The following ATRNL1 variants were observed in gnomAD, a reference collection of about 807,000 sequenced individuals.
ATRNL1 encodes the protein attractin like 1.
ATRNL1 carries 95 observed loss-of-function variants against 182.7 expected under a neutral mutation model. The ratio of observed to expected loss-of-function variants is 0.52; its 90% CI spans 0.44 to 0.62. The LOEUF is 0.62. Among genes scored for constraint, ATRNL1 ranks in the 20% least tolerant of loss-of-function variants. The probability of loss-of-function intolerance (pLI) is 0.00; values close to 1 mark genes in which losing one functional copy is unlikely to be tolerated. For synonymous variants in ATRNL1, 576 were observed against 568.3 expected, an observed-to-expected ratio of 1.01 and a Z score of -0.19; for missense variants, 1,471 against 1,679.5, an observed-to-expected ratio of 0.88 and a Z score of 2.17.
chr10:115,560,631 A>T (rs1421832203), intron 26 of ATRNL1, among the ~76,000 whole-genome samples: 1 of 152,222 alleles, frequency 6.6e-6, no homozygotes, highest in Non-Finnish European at 1.5e-5. Flanking sequence ...TTATCCAAAT[A>T]CTAGGTAGTT....
intron 17 of ATRNL1, among the ~76,000 whole-genome samples, chr10:115,313,646 A>C (rs1369174852): frequency 1.3e-5 from 2 of 152,180 alleles, no homozygotes; most frequent in African/African-American, 4.8e-5. Flanking sequence ...GTCCACAGGT[A>C]AAATCTGGCT....
chr10:115,178,909 A>G (rs1201699628), intron 8 of ATRNL1, among the ~76,000 whole-genome samples: 3 of 145,808 alleles, frequency 2.1e-5, no homozygotes, highest in African/African-American at 7.4e-5. Flanking sequence ...GCTGTTTTTT[A>G]TAGGTACTCT....
At chr10:115,672,290 T>G (rs1555041645) in intron 26 of ATRNL1, among the ~76,000 whole-genome samples, 1 of 152,068 alleles carries the variant, frequency 6.6e-6, no homozygotes, top group Non-Finnish European at 1.5e-5. Context: ...TGCCCTAGAT[T>G]AAACAGCCTA....
chr10:115,665,130 T>G (rs187666455), intron 26 of ATRNL1, among the ~76,000 whole-genome samples: 1 of 152,130 alleles, frequency 6.6e-6, no homozygotes, highest in African/African-American at 2.4e-5. Context: ...GCAATATGTT[T>G]GTTGTTGTGG....
chr10:115,213,137 T>A (rs1849095892), intron 8 of ATRNL1, among the ~76,000 whole-genome samples: 1 of 152,168 alleles, frequency 6.6e-6, no homozygotes, highest in Non-Finnish European at 1.5e-5. Context: ...ATTCAAGTCG[T>A]GATTTTTCTT....
chr10:115,792,976 A>G (rs940322329), intron 27 of ATRNL1, among the ~76,000 whole-genome samples: 2 of 152,062 alleles, frequency 1.3e-5, no homozygotes, highest in Admixed American at 1.3e-4. Context: ...AGATATTTAG[A>G]ATAAGTAGTA....
Position 115,863,356 on chromosome 10 carries a change from C to T in ATRNL1, c.4018+15365C>T, listed in dbSNP as rs74982624. 5.0e-3 allele frequency among the ~76,000 whole-genome samples: 760 copies of T among 152,204 alleles called. 3 individuals are homozygous for T. The highest frequency in any genetic ancestry group is 0.017 in the African/African-American group (703 of 41,526). On this transcript the variant is annotated intron_variant, in intron 28 of 28. Coordinates refer to ENST00000355044, the MANE Select transcript of ATRNL1 (RefSeq NM_207303.4). The stretch of plus-strand genomic sequence containing the variant: ...TGATTATTTTGACTATATACTGTAA[C>T]ACCAAAAGCAACCAAAAATATATAT...
chr10:115,342,161 T>A (rs941483935), intron 19 of ATRNL1, among the ~76,000 whole-genome samples: 3 of 152,040 alleles, frequency 2.0e-5, no homozygotes, highest in Non-Finnish European at 4.4e-5. Flanking sequence ...TGTATCTTGT[T>A]TTTTTGTTTT....
chr10:115,412,837 C>A (rs546642640), intron 20 of ATRNL1, among the ~76,000 whole-genome samples: 69 of 152,190 alleles, frequency 4.5e-4, no homozygotes, highest in Non-Finnish European at 6.6e-4. Context: ...CATTTTATAT[C>A]TGCAAAATTG....
chr10:115,857,218 A>G (rs1589611667), intron 28 of ATRNL1, among the ~76,000 whole-genome samples: 4 of 152,298 alleles, frequency 2.6e-5, no homozygotes, highest in Non-Finnish European at 4.4e-5. Flanking sequence ...AACTGTTTAG[A>G]TTATTGGCAA....
rs1554924645 is a variant in ATRNL1 at position 115,301,935 on chromosome 10, A to T, written c.2710A>T (p.Met904Leu). ...TSCSNCTSNG[M>L]ECMWCSSTKR... ...ATGTTCCAACTGTACAAGCAATGGC[A>T]TGGAGTGTATGTGGTGCAGCAGTAC... The change falls in exon 17 of 29, where the codon ATG becomes TTG. Residue 904 changes from methionine to leucine, a missense_variant. Met to Leu is a conservative substitution (Grantham distance 15). This residue lies in a region of ATRNL1 where 1,031 missense variants were observed against 1,156.0 expected (regional missense o/e 0.89). Coordinates refer to ENST00000355044, the MANE Select transcript of ATRNL1 (RefSeq NM_207303.4). 1 of 1,614,108 alleles carries T rather than the reference A, an allele frequency of 6.2e-7. No homozygotes were observed. Among genetic ancestry groups the T allele is most frequent in the African/African-American group, 1.3e-5 (1 of 75,064 alleles).
intron 28 of ATRNL1, among the ~76,000 whole-genome samples, chr10:115,930,733 A>G (rs1953370616): frequency 6.6e-6 from 1 of 152,126 alleles, no homozygotes; most frequent in South Asian, 2.1e-4. Flanking sequence ...TGGATGGTAA[A>G]CATCTGGGCA....
intron 26 of ATRNL1, among the ~76,000 whole-genome samples, chr10:115,636,762 A>G (rs782094191): frequency 7.2e-5 from 11 of 152,244 alleles, no homozygotes; most frequent in Non-Finnish European, 1.6e-4. Context: ...ATGAATGTAC[A>G]TAGCAATATT....
chr10:115,386,788 A>C (rs1858378964), intron 19 of ATRNL1, among the ~76,000 whole-genome samples: 2 of 146,550 alleles, frequency 1.4e-5, no homozygotes, highest in South Asian at 2.3e-4. Flanking sequence ...AGCATTAGGT[A>C]TATCTCCTAA....
intron 8 of ATRNL1, among the ~76,000 whole-genome samples, chr10:115,180,435 A>T (rs1554887666): frequency 1.3e-5 from 2 of 151,728 alleles, no homozygotes; most frequent in Non-Finnish European, 2.9e-5. Flanking sequence ...TCTGTATTTT[A>T]TTTGTTGTAT....
intron 26 of ATRNL1, among the ~76,000 whole-genome samples, chr10:115,634,930 G>A (rs1222060326): frequency 1.3e-5 from 2 of 151,690 alleles, no homozygotes; most frequent in African/African-American, 4.8e-5. Flanking sequence ...AGGGCCTTAG[G>A]GCCTAGAGAG....
chr10:115,944,285 TAAAAA>T (rs10588486), intron 28 of ATRNL1, among the ~76,000 whole-genome samples: 1 of 131,728 alleles, frequency 7.6e-6, no homozygotes, highest in Admixed American at 7.6e-5. Context: ...GTTTTGTTCC[TAAAAA>T]AAAAAAAAAA....
At chr10:115,232,041 G>T (rs1481136045) in intron 9 of ATRNL1, among the ~76,000 whole-genome samples, 1 of 152,122 alleles carries the variant, frequency 6.6e-6, no homozygotes, top group African/African-American at 2.4e-5. Flanking sequence ...TACTGGAATT[G>T]TCCTTAGTTT....
chr10:115,195,088 T>C (rs532807811), intron 8 of ATRNL1, among the ~76,000 whole-genome samples: 1 of 152,200 alleles, frequency 6.6e-6, no homozygotes, highest in East Asian at 1.9e-4. Flanking sequence ...GTTTTTAGTT[T>C]TGATTGGTTT....
Sources: allele counts gnomAD v4.1 joint callset (sites outside exome capture counted in the v4.1 genomes callset), GRCh38; gene constraint gnomAD v4.1.1; regional missense constraint gnomAD v4.1.1; transcripts MANE v1.5; gene names NCBI Gene and HGNC (gene_info 2026-07-23, HGNC 2026-07-21).